ARSJ: variants seen among roughly 807,000 people sequenced by gnomAD.
The protein encoded by ARSJ is arylsulfatase family member J.
Under a neutral mutation model 35.9 loss-of-function variants are expected in ARSJ, and 26 were observed. The observed-to-expected ratio is 0.72, with a 90% CI of 0.53 to 1.00. The LOEUF (loss-of-function observed/expected upper bound fraction) is 1.00. Among genes scored for constraint, ARSJ ranks in the 50% least tolerant of loss-of-function variants. The pLI is 0.00. For missense variants in ARSJ, 667 were observed against 723.6 expected (o/e 0.92, Z 0.90); for synonymous variants, 294 against 267.6 (o/e 1.10, Z -0.96).
At chr4:113,935,291 T>G (rs1326360961) in intron 1 of ARSJ, among the ~76,000 whole-genome samples, 1 of 151,912 alleles carries the variant, frequency 6.6e-6, no homozygotes, top group Non-Finnish European at 1.5e-5. Context: ...CAAAAAGCAC[T>G]GTGATAATAT....
chr4:113,947,369 G>T (rs913659821), intron 1 of ARSJ, among the ~76,000 whole-genome samples: 2 of 151,826 alleles, frequency 1.3e-5, no homozygotes, highest in African/African-American at 4.8e-5. Flanking sequence ...GGTCCCAGCT[G>T]CTTGGGAGGT....
In ARSJ at chr4:113,978,535, T is replaced by G. The variant is rs760794951; in HGVS notation, c.300A>C (p.Thr100=). 2 of 1,614,054 alleles carry G rather than the reference T, an allele frequency of 1.2e-6. No individual in the cohort carries two copies. The highest frequency in any genetic ancestry group is 1.3e-5 in the African/African-American group (1 of 74,926). ...CGGCAGCGAGCTTGTCAAGAGTAGGTGTTTTAATCTCAGATCCGTGGTAAC... is the reference window on the plus strand; with the variant it reads ...CGGCAGCGAGCTTGTCAAGAGTAGGGGTTTTAATCTCAGATCCGTGGTAAC... ...DVGYHGSEIK[T]PTLDKLAAEG... The change falls in exon 1 of 2, where the codon ACA becomes ACC. Residue 100 remains threonine (T), a synonymous_variant. Transcript: ENST00000315366.
intron 1 of ARSJ, among the ~76,000 whole-genome samples, chr4:113,906,288 C>A (rs551060947): frequency 1.3e-5 from 2 of 152,138 alleles, no homozygotes; most frequent in African/African-American, 4.8e-5. Context: ...CTAAATTGGT[C>A]ATTTTCTCAC....
At chr4:113,947,600 G>GGC (rs1725576353) in intron 1 of ARSJ, among the ~76,000 whole-genome samples, 3 of 111,328 alleles carry the variant, frequency 2.7e-5, no homozygotes, top group African/African-American at 9.0e-5. Flanking sequence ...AAGGAGAGAG[G>GGC]GAGAGAGAGG....
intron 1 of ARSJ, among the ~76,000 whole-genome samples, chr4:113,956,353 A>C (rs1219876786): frequency 6.6e-6 from 1 of 152,106 alleles, no homozygotes; most frequent in Admixed American, 6.6e-5. Context: ...TAACAGGAAG[A>C]CTAGGAGAAG....
chr4:113,918,665 C>G (rs1723471328), intron 1 of ARSJ, among the ~76,000 whole-genome samples: 1 of 152,108 alleles, frequency 6.6e-6, no homozygotes, highest in Non-Finnish European at 1.5e-5. Flanking sequence ...TTTCAAAAAT[C>G]TCACATTATA....
chr4:113,968,211 TAA>T (rs1358159027), intron 1 of ARSJ, among the ~76,000 whole-genome samples: 1 of 152,194 alleles, frequency 6.6e-6, no homozygotes, highest in Non-Finnish European at 1.5e-5. Flanking sequence ...ATAGATAGTT[TAA>T]GTTATATGGC....
At position 113,973,608 on chromosome 4, in the gene ARSJ, A is replaced by G. The variant is rs560333194; in HGVS notation, c.398+4829T>C. On this transcript the variant is annotated intron_variant, in intron 1 of 1. Coordinates refer to ENST00000315366, the MANE Select transcript of ARSJ (RefSeq NM_024590.4). ...GCTCTCGTTACATCCCAGTATTTTTACTGCATTTCTTTACCCAATTCACTT... is the reference window on the plus strand; with the variant it reads ...GCTCTCGTTACATCCCAGTATTTTTGCTGCATTTCTTTACCCAATTCACTT... 3.9e-5 allele frequency among the ~76,000 whole-genome samples: 6 copies of G among 152,304 alleles called. No individual in the cohort carries two copies. In the South Asian group the frequency reaches 1.2e-3, roughly 32 times the overall value.
intron 1 of ARSJ, among the ~76,000 whole-genome samples, chr4:113,930,957 T>C (rs368062361): frequency 3.4e-5 from 5 of 148,804 alleles, no homozygotes; most frequent in African/African-American, 7.5e-5. Context: ...TTCTCACTCA[T>C]AGGTGGGAAT....
At chr4:113,906,181 TG>T (rs1168478295) in intron 1 of ARSJ, among the ~76,000 whole-genome samples, 2 of 152,164 alleles carry the variant, frequency 1.3e-5, no homozygotes, top group Admixed American at 1.3e-4. Flanking sequence ...GAATCATTTA[TG>T]GGGATCAGTT....
At chr4:113,968,187 GA>G (rs1727014240) in intron 1 of ARSJ, among the ~76,000 whole-genome samples, 1 of 152,030 alleles carries the variant, frequency 6.6e-6, no homozygotes. Flanking sequence ...ATTTTCCCAT[GA>G]AAAAACTGAA....
intron 1 of ARSJ, chr4:113,971,003 T>G (rs1562378374): frequency 6.6e-6 from 1 of 151,536 alleles, no homozygotes; most frequent in Admixed American, 6.6e-5. Context: ...AAGAGAGAGA[T>G]TAAAAGATGA....
At chr4:113,940,527 A>G (rs565770947) in intron 1 of ARSJ, among the ~76,000 whole-genome samples, 6 of 151,790 alleles carry the variant, frequency 4.0e-5, no homozygotes, top group Non-Finnish European at 8.9e-5. Flanking sequence ...ACAGCAAAAA[A>G]TAGCTAATGC....
chr4:113,904,502 T>A (rs1196561663), intron 1 of ARSJ, among the ~76,000 whole-genome samples: 1 of 152,218 alleles, frequency 6.6e-6, no homozygotes, highest in East Asian at 1.9e-4. Flanking sequence ...TTCTTTTTTT[T>A]GAGACGGAGT....
intron 1 of ARSJ, among the ~76,000 whole-genome samples, chr4:113,919,950 T>C (rs1237905243): frequency 1.6e-5 from 2 of 123,418 alleles, no homozygotes; most frequent in Admixed American, 1.5e-4. Context: ...TTATTAAAGA[T>C]TTTTTTTTTT....
chr4:113,960,890 C>A (rs1726502799), intron 1 of ARSJ, among the ~76,000 whole-genome samples: 1 of 152,090 alleles, frequency 6.6e-6, no homozygotes, highest in South Asian at 2.1e-4. Flanking sequence ...CCTGCACTAG[C>A]AGATCTACTT....
intron 1 of ARSJ, among the ~76,000 whole-genome samples, chr4:113,959,548 T>C (rs559909505): frequency 6.6e-6 from 1 of 152,086 alleles, no homozygotes; most frequent in South Asian, 2.1e-4. Context: ...CTTCCCTGTT[T>C]TCATGTCTTA....
intron 1 of ARSJ, among the ~76,000 whole-genome samples, chr4:113,910,642 T>C (rs2099670158): frequency 6.6e-6 from 1 of 152,210 alleles, no homozygotes; most frequent in South Asian, 2.1e-4. Context: ...CTTAATTTTA[T>C]CTTTCAGTTA....
At chr4:113,929,621 G>A (rs1351081622) in intron 1 of ARSJ, among the ~76,000 whole-genome samples, 2 of 152,102 alleles carry the variant, frequency 1.3e-5, no homozygotes, top group Admixed American at 6.6e-5. Context: ...ACCTGGTGAG[G>A]CTGTGCAGGC....
Sources: allele counts gnomAD v4.1 joint callset (sites outside exome capture counted in the v4.1 genomes callset), GRCh38; gene constraint gnomAD v4.1.1; transcripts MANE v1.5; gene names NCBI Gene and HGNC (gene_info 2026-07-23, HGNC 2026-07-21).